The following PPP1CB variants were observed in gnomAD, a reference collection of about 807,000 sequenced individuals.
PPP1CB encodes the protein protein phosphatase 1 catalytic subunit beta, also known as serine/threonine-protein phosphatase PP1-beta catalytic subunit.
In PPP1CB, 2 loss-of-function variants were observed where a neutral mutation model predicts 43.7. The observed-to-expected ratio is 0.05, with a 90% CI of 0.02 to 0.14. The LOEUF (loss-of-function observed/expected upper bound fraction) is 0.14. Ranked by LOEUF, PPP1CB falls within the 10% of genes least tolerant of loss-of-function variation. PPP1CB has a pLI of 1.00. For missense variants in PPP1CB, 84 were observed against 398.0 expected, an observed-to-expected ratio of 0.21 and a Z score of 6.71; for synonymous variants, 136 against 135.6, an observed-to-expected ratio of 1.00 and a Z score of -0.02.
In PPP1CB at chr2:28,783,997, TTAA is replaced by T. The variant is rs1482242653; in HGVS notation, c.592+21_592+23del. The T allele has an allele frequency of 1.3e-6, 2 of 1,561,702 alleles. No individual in the cohort carries two copies. Among genetic ancestry groups the T allele is most frequent in the Non-Finnish European group, 1.8e-6 (2 of 1,133,844 alleles). On this transcript the variant is annotated intron_variant, in intron 5 of 7. Coordinates refer to ENST00000395366, the MANE Select transcript of PPP1CB (RefSeq NM_002709.3). ...GATACAGGTAAGTGTAGAGAGAAGT[TTAA>T]TTGTTTTGTGTAAAGTGTTTTCATA... is the stretch of plus-strand genomic sequence containing the variant.
At chr2:28,758,170 C>T (rs1666535046) in intron 1 of PPP1CB, among the ~76,000 whole-genome samples, 1 of 151,232 alleles carries the variant, frequency 6.6e-6, no homozygotes, top group Non-Finnish European at 1.5e-5. Context: ...CTCAGCCTCA[C>T]AAGTAGCTGG....
chr2:28,781,583 G>A (rs186599439), intron 3 of PPP1CB, among the ~76,000 whole-genome samples, 155 bp from the exon 4 acceptor site: 171 of 152,202 alleles, frequency 1.1e-3, no homozygotes, highest in African/African-American at 3.9e-3. Context: ...TTGAAAGTAC[G>A]TAAATAACAT....
chr2:28,784,917 C>CAAA (rs869155670), intron 5 of PPP1CB, among the ~76,000 whole-genome samples: 8,251 of 78,798 alleles, frequency 0.1, 643 homozygotes, highest in East Asian at 0.2. Flanking sequence ...GAAACTGTCT[C>CAAA]AAAAAAAAAA....
At position 28,802,343 on chromosome 2, in the gene PPP1CB, TTTAGA is replaced by T. The variant is rs1215629575; in HGVS notation, c.*3045_*3049del. The stretch of plus-strand genomic sequence containing the variant: ...TTTACATCTTTATGCTGAAAATGTG[TTTAGA>T]TTAGGAATATGGTCGGGCTGAATTT... On this transcript the variant is annotated 3_prime_UTR_variant, in exon 8 of 8. Transcript: ENST00000395366. 5 of 152,186 alleles carry T rather than the reference TTTAGA, an allele frequency of 3.3e-5. No individual in the cohort carries two copies. The highest frequency in any genetic ancestry group is 4.8e-5 in the African/African-American group (2 of 41,448). 9.4% of individuals were successfully genotyped at this position (152,186 alleles called of 1,614,324 possible).
intron 5 of PPP1CB, among the ~76,000 whole-genome samples, chr2:28,786,050 G>T (rs767136288): frequency 1.3e-5 from 2 of 152,108 alleles, no homozygotes; most frequent in Admixed American, 1.3e-4. Flanking sequence ...TAATTTATAA[G>T]TTAATACATT....
At position 28,783,988 on chromosome 2, in the gene PPP1CB, G is replaced by A; in HGVS notation, c.592+10G>A. 3 of 1,586,932 alleles carry A rather than the reference G, an allele frequency of 1.9e-6. No homozygotes were observed. The highest frequency in any genetic ancestry group is 2.6e-6 in the Non-Finnish European group (3 of 1,156,332). On this transcript the variant is annotated intron_variant, in intron 5 of 7. Coordinates refer to ENST00000395366, the MANE Select transcript of PPP1CB (RefSeq NM_002709.3). ...GATGTCCCTGATACAGGTAAGTGTAGAGAGAAGTTTAATTGTTTTGTGTAA... is the reference window on the plus strand; with the variant it reads ...GATGTCCCTGATACAGGTAAGTGTAAAGAGAAGTTTAATTGTTTTGTGTAA...
intron 7 of PPP1CB, among the ~76,000 whole-genome samples, chr2:28,798,292 C>G (rs148155927): frequency 1.5e-4 from 23 of 152,212 alleles, no homozygotes; most frequent in African/African-American, 4.8e-4. Context: ...GCATTAGAAT[C>G]TTCATACATT....
intron 6 of PPP1CB, among the ~76,000 whole-genome samples, chr2:28,789,173 A>T (rs530085210): frequency 1.6e-4 from 24 of 152,208 alleles, no homozygotes; most frequent in Admixed American, 1.4e-3. Context: ...CAATCTAGTG[A>T]TTTGTTAACC....
At chr2:28,762,728 TTATAA>T (rs1666684692) in intron 1 of PPP1CB, among the ~76,000 whole-genome samples, 1 of 152,254 alleles carries the variant, frequency 6.6e-6, no homozygotes, top group African/African-American at 2.4e-5. Context: ...ACACATGACT[TTATAA>T]TACGCGTTGT....
intron 1 of PPP1CB, among the ~76,000 whole-genome samples, chr2:28,771,414 A>AAG (rs1666910496): frequency 9.5e-6 from 1 of 105,000 alleles, no homozygotes; most frequent in Non-Finnish European, 2.4e-5. Flanking sequence ...CCAATTTTAA[A>AAG]ACATTTGAAA....
intron 1 of PPP1CB, 123 bp downstream of exon 1, chr2:28,752,299 G>A (rs1666323123): frequency 1.1e-6 from 1 of 950,872 alleles, no homozygotes; most frequent in African/African-American, 1.8e-5. Context: ...CTCTGGGAGC[G>A]CGGCGCGGCG....
chr2:28,756,936 G>T (rs980644174), intron 1 of PPP1CB, among the ~76,000 whole-genome samples: 12 of 152,162 alleles, frequency 7.9e-5, no homozygotes, highest in African/African-American at 2.9e-4. Flanking sequence ...TAGAGGATAT[G>T]ATTTTTAGTA....
At position 28,799,811 on chromosome 2, in the gene PPP1CB, T is replaced by A. The variant is rs1234164229; in HGVS notation, c.*508T>A. 6.6e-6 allele frequency: 1 copy of A among 152,114 alleles called. No individual in the cohort carries two copies. The highest frequency in any genetic ancestry group is 1.5e-5 in the Non-Finnish European group (1 of 67,922). The allele number at this position is 152,114 out of a possible 1,614,324, so 9.4% of individuals were successfully genotyped here. A position where few individuals can be genotyped will look rare whatever the true frequency, so the allele number is the denominator to read the frequency against. ...GACATTCACCAACTATTATTTTCCCTTGTTTATCTACTTAGATATCTGTTT... is the reference window on the plus strand; with the variant it reads ...GACATTCACCAACTATTATTTTCCCATGTTTATCTACTTAGATATCTGTTT... On this transcript the variant is annotated 3_prime_UTR_variant, in exon 8 of 8. Transcript: ENST00000395366.
chr2:28,752,417 G>T (rs1021087407), intron 1 of PPP1CB, among the ~76,000 whole-genome samples: 2 of 152,190 alleles, frequency 1.3e-5, no homozygotes, highest in African/African-American at 4.8e-5. Flanking sequence ...GACCCTCGGG[G>T]GCCAGGCCCG....
At chr2:28,781,536 C>G (rs1185171717) in intron 3 of PPP1CB, among the ~76,000 whole-genome samples, 1 of 151,982 alleles carries the variant, frequency 6.6e-6, no homozygotes. Context: ...GGTAACTTTA[C>G]TGAAGGTATT....
At chr2:28,786,273 C>G (rs1275363813) in intron 5 of PPP1CB, among the ~76,000 whole-genome samples, 1 of 152,010 alleles carries the variant, frequency 6.6e-6, no homozygotes, top group Non-Finnish European at 1.5e-5. Context: ...GCCACTGTGC[C>G]CAGCTAATTT....
At chr2:28,771,055 C>CCCCTTT (rs1558302176) in intron 1 of PPP1CB, among the ~76,000 whole-genome samples, 1 of 59,600 alleles carries the variant, frequency 1.7e-5, no homozygotes, top group Non-Finnish European at 3.2e-5. Context: ...CCCCCCCACC[C>CCCCTTT]TTTTTTTTTT....
chr2:28,771,554 A>G (rs1666914394), intron 1 of PPP1CB, among the ~76,000 whole-genome samples: 1 of 152,214 alleles, frequency 6.6e-6, no homozygotes, highest in African/African-American at 2.4e-5. Context: ...GTAATGAGCT[A>G]TATAGTGGCT....
chr2:28,767,412 A>ATCCC (rs1666803182), intron 1 of PPP1CB, among the ~76,000 whole-genome samples: 1 of 152,184 alleles, frequency 6.6e-6, no homozygotes, highest in African/African-American at 2.4e-5. Context: ...GCACCCAATT[A>ATCCC]AATAACATAA....
Sources: allele counts gnomAD v4.1 joint callset (sites outside exome capture counted in the v4.1 genomes callset), GRCh38; gene constraint gnomAD v4.1.1; transcripts MANE v1.5; gene names NCBI Gene and HGNC (gene_info 2026-07-23, HGNC 2026-07-21).